Variants in USP6 observed in about 807,000 individuals in gnomAD.
USP6 encodes ubiquitin specific peptidase 6, also known as ubiquitin carboxyl-terminal hydrolase 6.
Under a neutral mutation model 175.7 loss-of-function variants are expected in USP6, and 128 were observed. The ratio of observed to expected loss-of-function variants is 0.73; its 90% CI spans 0.63 to 0.84. The LOEUF (loss-of-function observed/expected upper bound fraction) is 0.84. Among genes scored for constraint, USP6 ranks in the 40% least tolerant of loss-of-function variants. USP6 has a pLI of 0.00. For missense variants in USP6, 1,498 were observed against 1,760.3 expected, an observed-to-expected ratio of 0.85 and a Z score of 2.67; for synonymous variants, 562 against 630.6, an observed-to-expected ratio of 0.89 and a Z score of 1.63.
intron 15 of USP6, 190 bp from the exon 16 acceptor site, chr17:5,135,044 T>C: frequency 1.6e-6 from 1 of 630,314 alleles, no homozygotes; most frequent in Non-Finnish European, 2.9e-6. Flanking sequence ...ACTGTAGAAC[T>C]GGGCTATTTG....
At position 5,171,649 on chromosome 17, in the gene USP6, G is replaced by A. The variant is rs373699601; in HGVS notation, c.4017G>A (p.Lys1339=). The A allele has an allele frequency of 6.2e-7, 1 of 1,613,748 alleles. No homozygotes were observed. The highest frequency in any genetic ancestry group is 1.3e-5 in the African/African-American group (1 of 74,918). The change falls in exon 37 of 38, where the codon AAG becomes AAA. Residue 1339 remains lysine (K), a synonymous_variant. Coordinates refer to ENST00000574788, the MANE Select transcript of USP6 (RefSeq NM_001304284.2). The part of the protein sequence containing the change: ...YITYAKNPNC[K]WYCYNDSSCE... ...CTTATGCCAAAAACCCAAACTGCAA[G>A]TGGTACTGTTATAATGACAGCAGCT...
intron 30 of USP6, among the ~76,000 whole-genome samples, chr17:5,150,121 G>A (rs549705130): frequency 7.2e-5 from 11 of 151,894 alleles, no homozygotes; most frequent in Non-Finnish European, 1.2e-4. Context: ...GTGAAACCCC[G>A]TCTCTATTAA....
Position 5,132,517 on chromosome 17 carries a change from C to T in USP6, c.195+82C>T, listed in dbSNP as rs2073104829. Reference sequence around the variant, plus strand: ...TCAGTGAGGCAGAGGAAGCAGCTGGCCTGGGCGGTGGCGGGTGAGGGCAAC... The same window carrying T: ...TCAGTGAGGCAGAGGAAGCAGCTGGTCTGGGCGGTGGCGGGTGAGGGCAAC... On this transcript the variant is annotated intron_variant, in intron 12 of 37. Coordinates refer to ENST00000574788, the MANE Select transcript of USP6 (RefSeq NM_001304284.2). This position sits in a 1 kb window ranked among gnomAD's most constrained non-coding sequence, Gnocchi z 4.7. 6.2e-7 allele frequency: 1 copy of T among 1,610,312 alleles called. No individual in the cohort carries two copies. Among genetic ancestry groups the T allele is most frequent in the Admixed American group, 1.7e-5 (1 of 60,006 alleles).
At chr17:5,151,982 T>A (rs2073783521) in intron 30 of USP6, among the ~76,000 whole-genome samples, 1 of 152,196 alleles carries the variant, frequency 6.6e-6, no homozygotes, top group African/African-American at 2.4e-5. Flanking sequence ...CTCATGCCTA[T>A]AATCCCAGCA....
chr17:5,138,954 G>C (rs530200311), intron 21 of USP6: 4 of 1,415,720 alleles, frequency 2.8e-6, no homozygotes, highest in Admixed American at 2.1e-5. Flanking sequence ...GAGTTCTGAT[G>C]GGGGGCCATA....
In USP6 at chr17:5,137,985, C is replaced by G. The variant is rs958370004; in HGVS notation, c.926-136C>G. On this transcript the variant is annotated intron_variant, in intron 20 of 37. Transcript: ENST00000574788. ...CCAGATCACCCCCCAGCCACAGTCTCCTGTGTACATCTGGATGCCTGGGGT... is the reference window on the plus strand; with the variant it reads ...CCAGATCACCCCCCAGCCACAGTCTGCTGTGTACATCTGGATGCCTGGGGT... The G allele has an allele frequency of 3.9e-6, 6 of 1,546,238 alleles. No individual in the cohort carries two copies. In the South Asian group the frequency reaches 4.9e-5, roughly 13 times the overall value.
Position 5,172,923 on chromosome 17 carries a change from G to A in USP6, c.4166G>A (p.Ser1389Asn). ...GATGGCAAAAAGATGGCAGACACAA[G>A]CAGTACGGATGAAGACTCTGAGTCT... is the stretch of plus-strand genomic sequence containing the variant. ...KIDGKKMADT[S>N]STDEDSESDY... Residue 1389 changes from serine to asparagine, a missense_variant, in exon 38 of 38, where the codon AGC (serine) becomes AAC (asparagine). Around this residue, in one of 2 missense-constraint regions of USP6, gnomAD observed 1,217 missense variants for 1,500.8 expected, o/e 0.81. Transcript: ENST00000574788. 3 of 1,613,938 alleles carry A rather than the reference G, an allele frequency of 1.9e-6. No homozygotes were observed. Among genetic ancestry groups the A allele is most frequent in the Middle Eastern group, 1.7e-4 (1 of 6,056 alleles).
In USP6 at chr17:5,133,447, TA is replaced by T. The variant is rs750572991; in HGVS notation, c.282del (p.Ile94MetfsTer10). The T allele has an allele frequency of 6.2e-7, 1 of 1,610,758 alleles. No individual in the cohort carries two copies. The highest frequency in any genetic ancestry group is 8.5e-7 in the Non-Finnish European group (1 of 1,179,016). On this transcript the variant is annotated frameshift_variant, in exon 14 of 38. Transcript: ENST00000574788. LOFTEE classifies it high-confidence loss of function. ...WETYKHSSKL[I>X]DRVYKGIPMN... ...CAGATTCTTTTCTGCCCACAGCTCA[TA>T]GATCGAGTGTACAAGGGAATTCCCA...
intron 30 of USP6, among the ~76,000 whole-genome samples, chr17:5,153,014 A>G (rs2073807209): frequency 6.6e-6 from 1 of 152,226 alleles, no homozygotes; most frequent in African/African-American, 2.4e-5. Context: ...AACAAAAAAA[A>G]TGAATTAAGT....
In USP6 at chr17:5,133,905, A is replaced by C. The variant is rs745469203; in HGVS notation, c.403A>C (p.Lys135Gln). 3.8e-5 allele frequency: 61 copies of C among 1,614,174 alleles called. No homozygotes were observed. The Middle Eastern group carries it at 4.9e-4, about 13-fold the overall frequency. Residue 135 changes from lysine (K) to glutamine (Q), a missense_variant, in exon 15 of 38, where the codon AAG (lysine) becomes CAG (glutamine). Coordinates refer to ENST00000574788, the MANE Select transcript of USP6 (RefSeq NM_001304284.2). The stretch of plus-strand genomic sequence containing the variant: ...CCTACAGATCATGAAGGAGAGGGGC[A>C]AGAGGTCATCTGAACACATCCACCA... ...GRYQIMKERG[K>Q]RSSEHIHHID...
Position 5,120,643 on chromosome 17 carries a change from G to C in USP6, c.-1820G>C, listed in dbSNP as rs1050150407. 3.9e-5 allele frequency: 15 copies of C among 382,200 alleles called. No homozygotes were observed. Among genetic ancestry groups the C allele is most frequent in the African/African-American group, 2.7e-4 (13 of 47,528 alleles). 23.7% of individuals were successfully genotyped at this position (382,200 alleles called of 1,614,324 possible). A position where few individuals can be genotyped will look rare whatever the true frequency, so the allele number is the denominator to read the frequency against. On this transcript the variant is annotated 5_prime_UTR_variant, in exon 3 of 38. It removes the in-frame stop codon of an upstream open reading frame in the 5' UTR. Transcript: ENST00000574788. The stretch of plus-strand genomic sequence containing the variant: ...TCTGCCCAGGAAATGAAGGCCCTTT[G>C]AGGTCAGGTGGATGAGGATGTCAGT...
At chr17:5,172,192 GTAGT>G (rs1166597522) in intron 37 of USP6, among the ~76,000 whole-genome samples, 8 of 145,360 alleles carry the variant, frequency 5.5e-5, no homozygotes, top group African/African-American at 1.0e-4. Flanking sequence ...AAAAAAAAAA[GTAGT>G]TAGTTAATGC....
chr17:5,146,284 A>G (rs1361779032), intron 28 of USP6, 110 bp downstream of exon 28: 4 of 1,387,596 alleles, frequency 2.9e-6, no homozygotes, highest in Non-Finnish European at 2.9e-6. Context: ...ATACTAAAAC[A>G]TAACGAAAAC....
At chr17:5,130,152 C>T (rs747253664) in intron 9 of USP6, 63 bp downstream of exon 9, 16 of 568,944 alleles carry the variant, frequency 2.8e-5, no homozygotes, top group Middle Eastern at 4.7e-4. Flanking sequence ...CCACTCTTCT[C>T]GAGTCCTTGG....
rs183204331 is a variant in USP6, at chr17:5,129,422, A to C, written c.-156+289A>C. ...ATGGTCACTGTGGGACCCACTGGACACACACAGTCCCTTGTCTGGGAGTGG... is the reference window on the plus strand; with the variant it reads ...ATGGTCACTGTGGGACCCACTGGACCCACACAGTCCCTTGTCTGGGAGTGG... On this transcript the variant is annotated intron_variant, in intron 8 of 37. Transcript: ENST00000574788. 506 of 152,500 alleles carry C rather than the reference A, an allele frequency of 3.3e-3. 2 individuals carry two copies. The highest frequency in any genetic ancestry group is 0.01 in the Middle Eastern group (3 of 296). The allele number at this position is 152,500 out of a possible 1,614,324, so 9.4% of individuals were successfully genotyped here.
chr17:5,145,001 A>G (rs559891379), intron 26 of USP6, 138 bp downstream of exon 26: 4 of 1,292,080 alleles, frequency 3.1e-6, no homozygotes, highest in South Asian at 3.9e-5. Context: ...TTCTATTTCT[A>G]TGCTTAATTG....
rs568881086 is a variant in USP6 at position 5,154,691 on chromosome 17, A to G, written c.2644-731A>G. On this transcript the variant is annotated intron_variant, in intron 30 of 37. Transcript: ENST00000574788. ...ACCACTATCGACAGTTTATCCCTAG[A>G]AAACTATAGTTGAGATAGTCTTTTT... is the stretch of plus-strand genomic sequence containing the variant. Among the ~76,000 whole-genome samples the G allele has an allele frequency of 2.0e-3, 288 of 146,406 alleles. 1 individual carries two copies. The highest frequency in any genetic ancestry group is 7.1e-3 in the African/African-American group (278 of 39,300).
intron 30 of USP6, 94 bp downstream of exon 30, chr17:5,148,861 T>A: frequency 6.6e-7 from 1 of 1,514,146 alleles, no homozygotes; most frequent in Non-Finnish European, 8.8e-7. Flanking sequence ...GAATGCATTT[T>A]CTTCTCTTTT....
intron 21 of USP6, among the ~76,000 whole-genome samples, chr17:5,138,607 CT>C (rs2073339036): frequency 6.6e-6 from 1 of 152,164 alleles, no homozygotes; most frequent in South Asian, 2.1e-4. Context: ...GACCCCGCCC[CT>C]CCCTGCAAGC....
Sources: allele counts gnomAD v4.1 joint callset (sites outside exome capture counted in the v4.1 genomes callset), GRCh38; gene constraint gnomAD v4.1.1; regional missense constraint gnomAD v4.1.1; non-coding constraint Gnocchi (gnomAD v3.1); transcripts MANE v1.5; gene names NCBI Gene and HGNC (gene_info 2026-07-23, HGNC 2026-07-21).